The following PSMB7 variants were observed in gnomAD, a reference collection of about 807,000 sequenced individuals.
The protein encoded by PSMB7 is proteasome subunit beta type-7.
PSMB7 carries 5 observed loss-of-function variants against 28.1 expected under a neutral mutation model. That is an observed-to-expected ratio of 0.18 (90% CI 0.09 to 0.37). PSMB7 has a LOEUF of 0.37. Among genes scored for constraint, PSMB7 ranks in the 10% least tolerant of loss-of-function variants. The pLI is 1.00. For missense variants in PSMB7, 275 were observed against 346.2 expected (o/e 0.79, Z 1.63); for synonymous variants, 122 against 123.7 (o/e 0.99, Z 0.09).
intron 6 of PSMB7, among the ~76,000 whole-genome samples, chr9:124,364,524 GAA>G (rs10595510): frequency 0.37 from 49,320 of 132,124 alleles, 8,558 homozygotes; most frequent in Non-Finnish European, 0.41. Context: ...TGTAATCAGA[GAA>G]AAAAAAAAAA....
rs562547276 is a variant in PSMB7 at position 124,388,743 on chromosome 9, A to AT, written c.512-4088dup. On this transcript the variant is annotated intron_variant, in intron 5 of 7. Transcript: ENST00000259457. ...ATACTCCACCAACACCACGCTGCCC[A>AT]TGATTTCCTAAATGCCCGTGCCAGT... Among the ~76,000 whole-genome samples, 38 of 152,242 alleles carry AT rather than the reference A, an allele frequency of 2.5e-4. 1 individual carries two copies. In the South Asian group the frequency reaches 7.7e-3, roughly 31 times the overall value.
rs188800838 is a variant in PSMB7, at chr9:124,410,294, G to A, written c.395+2058C>T. Among the ~76,000 whole-genome samples the A allele has an allele frequency of 2.6e-3, 395 of 152,218 alleles. 1 individual carries two copies. The highest frequency in any genetic ancestry group is 9.2e-3 in the African/African-American group (383 of 41,534). On this transcript the variant is annotated intron_variant, in intron 4 of 7. Coordinates refer to ENST00000259457, the MANE Select transcript of PSMB7 (RefSeq NM_002799.4). ...CAGGCATGAGCCACCGCGCCCAGCC[G>A]AGATGTTAGGATTCTTAAAACATTC...
At position 124,376,913 on chromosome 9, in the gene PSMB7, G is replaced by A. The variant is rs117558830; in HGVS notation, c.570+7685C>T. 4.1e-3 allele frequency among the ~76,000 whole-genome samples: 620 copies of A among 152,190 alleles called. 2 individuals carry two copies. Among genetic ancestry groups the A allele is most frequent in the Non-Finnish European group, 6.6e-3 (452 of 67,996 alleles). On this transcript the variant is annotated intron_variant, in intron 6 of 7. Transcript: ENST00000259457. ...GAGACAACAAAGTACTGACCTCAAG[G>A]AATTGCTGAAAAGTAAATGAAATAA...
intron 6 of PSMB7, among the ~76,000 whole-genome samples, chr9:124,373,633 TAGTTCTTAAC>T (rs1190468452): frequency 6.6e-5 from 10 of 152,300 alleles, no homozygotes; most frequent in African/African-American, 2.2e-4. Flanking sequence ...ATAGTTGCAC[TAGTTCTTAAC>T]AAAAAATCCA....
At chr9:124,363,981 C>T (rs932449253) in intron 6 of PSMB7, among the ~76,000 whole-genome samples, 3 of 151,948 alleles carry the variant, frequency 2.0e-5, no homozygotes, top group Non-Finnish European at 4.4e-5. Context: ...GAGTGCCCTT[C>T]GTAAGTATGA....
chr9:124,366,524 A>T (rs939251663), intron 6 of PSMB7, among the ~76,000 whole-genome samples: 1 of 152,254 alleles, frequency 6.6e-6, no homozygotes, highest in African/African-American at 2.4e-5. Flanking sequence ...AAATTTACAA[A>T]CAAGTAAAAA....
chr9:124,387,264 A>G (rs753743937), intron 5 of PSMB7, among the ~76,000 whole-genome samples: 1 of 152,106 alleles, frequency 6.6e-6, no homozygotes, highest in Non-Finnish European at 1.5e-5. Flanking sequence ...AAACAAACAA[A>G]CAAAAAACCT....
At chr9:124,353,987 G>A (rs1352287583) in intron 7 of PSMB7, among the ~76,000 whole-genome samples, 3 of 152,176 alleles carry the variant, frequency 2.0e-5, no homozygotes, top group African/African-American at 4.8e-5. Context: ...ATCCCCACAA[G>A]TGCTGGGAAG....
intron 6 of PSMB7, among the ~76,000 whole-genome samples, chr9:124,376,984 C>T (rs889258460): frequency 8.5e-5 from 13 of 152,194 alleles, no homozygotes; most frequent in African/African-American, 2.9e-4. Flanking sequence ...TCCAATATTA[C>T]GCTTTCAGAT....
At chr9:124,412,134 G>T (rs1419021273) in intron 4 of PSMB7, among the ~76,000 whole-genome samples, 1 of 151,998 alleles carries the variant, frequency 6.6e-6, no homozygotes, top group Non-Finnish European at 1.5e-5. Flanking sequence ...TGACTCAACT[G>T]GTGACATGTG....
intron 6 of PSMB7, among the ~76,000 whole-genome samples, chr9:124,361,190 G>A (rs1320304496): frequency 6.6e-6 from 1 of 152,204 alleles, no homozygotes; most frequent in East Asian, 1.9e-4. Flanking sequence ...GGCCACCCCT[G>A]CTTCTTAAAT....
chr9:124,385,125 C>T (rs895911534), intron 5 of PSMB7, among the ~76,000 whole-genome samples: 5 of 152,198 alleles, frequency 3.3e-5, no homozygotes, highest in Admixed American at 3.3e-4. Context: ...CACCTTGACA[C>T]GCAGGGAAGA....
Position 124,394,997 on chromosome 9 carries a change from T to C in PSMB7, c.511+10320A>G, listed in dbSNP as rs189943532. On this transcript the variant is annotated intron_variant, in intron 5 of 7. Coordinates refer to ENST00000259457, the MANE Select transcript of PSMB7 (RefSeq NM_002799.4). ...AGCAGGAAAAAGTGCCAGAGAAATC[T>C]TGACACAGAGAGCTACACACAGAAA... Among the ~76,000 whole-genome samples, 394 of 152,238 alleles carry C rather than the reference T, an allele frequency of 2.6e-3. 1 individual carries two copies. Among genetic ancestry groups the C allele is most frequent in the African/African-American group, 9.3e-3 (385 of 41,518 alleles).
chr9:124,383,703 C>T (rs775764899), intron 6 of PSMB7: 15 of 152,222 alleles, frequency 9.9e-5, no homozygotes, highest in South Asian at 8.3e-4. Flanking sequence ...AACAATACTG[C>T]GAAGTCAGAA....
chr9:124,387,150 G>A (rs1485307881), intron 5 of PSMB7, among the ~76,000 whole-genome samples: 1 of 152,148 alleles, frequency 6.6e-6, no homozygotes, highest in Non-Finnish European at 1.5e-5. Flanking sequence ...GGAGGCTGAG[G>A]CAGGAGAATG....
intron 4 of PSMB7, among the ~76,000 whole-genome samples, chr9:124,409,317 T>C (rs995171702): frequency 6.6e-6 from 1 of 152,228 alleles, no homozygotes; most frequent in Non-Finnish European, 1.5e-5. Context: ...ATGTACATTA[T>C]GTTTATAAGA....
chr9:124,400,111 C>A (rs996813034), intron 5 of PSMB7, among the ~76,000 whole-genome samples: 1 of 152,192 alleles, frequency 6.6e-6, no homozygotes, highest in African/African-American at 2.4e-5. Context: ...GCCCCACCCC[C>A]ACTCACTGCT....
intron 7 of PSMB7, 24 bp from the exon 8 acceptor site, chr9:124,353,733 C>G (rs371282050): frequency 1.9e-6 from 3 of 1,546,244 alleles, no homozygotes; most frequent in Non-Finnish European, 1.8e-6. Context: ...AACAAAAGCA[C>G]AGAGTTAGGA....
chr9:124,414,748 T>C lies in PSMB7; in HGVS notation c.156+94A>G, dbSNP rs1044986472. 4.7e-6 allele frequency: 5 copies of C among 1,058,324 alleles called. No individual in the cohort carries two copies. In the Admixed American group the frequency reaches 9.6e-5, roughly 20 times the overall value. The allele number at this position is 1,058,324 out of a possible 1,614,324, so 65.6% of individuals were successfully genotyped here. Reference sequence around the variant, plus strand: ...CCTGATGTATTCTATAGCATTTGCCTTTCCAGACCGAGCCGGGAGAGACAC... The same window carrying C: ...CCTGATGTATTCTATAGCATTTGCCCTTCCAGACCGAGCCGGGAGAGACAC... On this transcript the variant is annotated intron_variant, in intron 2 of 7. Coordinates refer to ENST00000259457, the MANE Select transcript of PSMB7 (RefSeq NM_002799.4).
Sources: allele counts gnomAD v4.1 joint callset (sites outside exome capture counted in the v4.1 genomes callset), GRCh38; gene constraint gnomAD v4.1.1; transcripts MANE v1.5; gene names NCBI Gene and HGNC (gene_info 2026-07-23, HGNC 2026-07-21).